Variants in DHRSX observed in about 807,000 individuals in gnomAD.
DHRSX encodes the protein dehydrogenase/reductase X-linked.
Under a neutral mutation model 34.0 loss-of-function variants are expected in DHRSX, and 31 were observed. The observed-to-expected ratio is 0.91, with a 90% CI of 0.69 to 1.23. DHRSX has a LOEUF of 1.23. Ranked by LOEUF, DHRSX falls within the 50% of genes most tolerant of loss-of-function variation. The pLI is 0.00. For synonymous variants in DHRSX, 201 were observed against 183.8 expected (o/e 1.09, Z -0.76); for missense variants, 414 against 428.1 (o/e 0.97, Z 0.29).
At chrX:2,460,852 G>A (rs1334576383) in intron 1 of DHRSX, among the ~76,000 whole-genome samples, 2 of 151,940 alleles carry the variant, frequency 1.3e-5, no homozygotes, top group African/African-American at 4.8e-5. Context: ...CAAAGTGCAG[G>A]TATTACAAGC....
At chrX:2,470,880 G>A (rs1280464964) in intron 1 of DHRSX, among the ~76,000 whole-genome samples, 1 of 142,092 alleles carries the variant, frequency 7.0e-6, no homozygotes, top group East Asian at 1.9e-4. Context: ...GGTGATATAG[G>A]TTAGAGTTAG....
rs376266463 is a variant in DHRSX at position 2,288,983 on chromosome X, GGTTAGCCTGTGTCAACTGGT to G, written c.388+2499_388+2518del. ...GTGGTTGAGTGATGGAGTATACGCT[GGTTAGCCTGTGTCAACTGGT>G]GTTAGCCTGTATCCACTGTCACAGA... On this transcript the variant is annotated intron_variant, in intron 4 of 6. Transcript: ENST00000334651. Among the ~76,000 whole-genome samples the G allele has an allele frequency of 8.0e-4, 122 of 152,308 alleles. 1 individual carries two copies. The highest frequency in any genetic ancestry group is 2.8e-3 in the African/African-American group (116 of 41,574).
chrX:2,239,723 C>A (rs1357363365), intron 6 of DHRSX, among the ~76,000 whole-genome samples: 1 of 151,776 alleles, frequency 6.6e-6, no homozygotes, highest in Admixed American at 6.6e-5. Context: ...GAGCTGAGAT[C>A]GCGCCAACGC....
At chrX:2,298,146 C>A (rs1225961454) in intron 3 of DHRSX, among the ~76,000 whole-genome samples, 2 of 151,996 alleles carry the variant, frequency 1.3e-5, no homozygotes, top group Non-Finnish European at 2.9e-5. Context: ...TGGAGTGATA[C>A]AGCCACAAGC....
intron 3 of DHRSX, among the ~76,000 whole-genome samples, chrX:2,294,132 AAG>A (rs1020378340): frequency 6.6e-5 from 10 of 152,150 alleles, no homozygotes; most frequent in Non-Finnish European, 1.3e-4. Flanking sequence ...GGAAAAGGGG[AAG>A]AGAGAAAAAA....
At chrX:2,240,062 G>A (rs1008305642) in intron 6 of DHRSX, among the ~76,000 whole-genome samples, 1 of 152,024 alleles carries the variant, frequency 6.6e-6, no homozygotes, top group Non-Finnish European at 1.5e-5. Flanking sequence ...GAAGGCCGAG[G>A]TGGGCGGATC....
intron 5 of DHRSX, among the ~76,000 whole-genome samples, chrX:2,263,053 C>T (rs755620455): frequency 1.1e-3 from 160 of 152,360 alleles, no homozygotes; most frequent in African/African-American, 3.7e-3. Flanking sequence ...GGGCGCCCAC[C>T]CTGCTGTACA....
chrX:2,380,632 G>T (rs2124610044), intron 3 of DHRSX, among the ~76,000 whole-genome samples: 1 of 152,190 alleles, frequency 6.6e-6, no homozygotes, highest in Admixed American at 6.6e-5. Context: ...CATGGTGGCG[G>T]ATTTCCCCCT....
chrX:2,454,578 G>T lies in DHRSX; in HGVS notation c.110-29274C>A, dbSNP rs999766625. 9.3e-5 allele frequency among the ~76,000 whole-genome samples: 14 copies of T among 149,836 alleles called. No homozygotes were observed. In the East Asian group the frequency reaches 2.7e-3, roughly 29 times the overall value. On this transcript the variant is annotated intron_variant, in intron 1 of 6. Transcript: ENST00000334651. ...TTGAGATTTCTACACTGTGAAAAAA[G>T]ATCTCCAATAGTGTGCATCAGGCAC...
intron 2 of DHRSX, among the ~76,000 whole-genome samples, chrX:2,423,127 C>T (rs761321588): frequency 1.3e-5 from 2 of 151,152 alleles, no homozygotes; most frequent in South Asian, 4.2e-4. Flanking sequence ...TTTAAATGAG[C>T]CAGGGCCAGG....
At chrX:2,486,849 A>G (rs979428397) in intron 1 of DHRSX, 7 of 152,238 alleles carry the variant, frequency 4.6e-5, no homozygotes, top group African/African-American at 1.7e-4. Context: ...CCGGCTCAGG[A>G]CGTAAGGATA....
chrX:2,379,474 T>C (rs1453761142), intron 3 of DHRSX, among the ~76,000 whole-genome samples: 2 of 152,016 alleles, frequency 1.3e-5, no homozygotes, highest in Non-Finnish European at 1.5e-5. Context: ...CACTTGACAA[T>C]CATTTTAAAC....
chrX:2,282,655 A>T lies in DHRSX; in HGVS notation c.388+8847T>A, dbSNP rs1269792171. Among the ~76,000 whole-genome samples, 505 of 128,552 alleles carry T rather than the reference A, an allele frequency of 3.9e-3. 1 individual carries two copies. The highest frequency in any genetic ancestry group is 6.2e-3 in the Non-Finnish European group (375 of 60,460). 84.3% of individuals were successfully genotyped at this position (128,552 alleles called of 152,430 possible). ...AAGGGAAAGGGAGGGAGAGAGGGAG[A>T]GAGAGAATGGGAGAAAAGGAGAGAG... On this transcript the variant is annotated intron_variant, in intron 4 of 6. Coordinates refer to ENST00000334651, the MANE Select transcript of DHRSX (RefSeq NM_145177.3).
intron 4 of DHRSX, among the ~76,000 whole-genome samples, chrX:2,287,795 C>T (rs1217647297): frequency 2.0e-5 from 3 of 152,174 alleles, no homozygotes; most frequent in Non-Finnish European, 4.4e-5. Context: ...CAAAGATGTC[C>T]ACATCCTAAT....
intron 5 of DHRSX, among the ~76,000 whole-genome samples, chrX:2,255,722 C>G (rs1262410285): frequency 6.6e-6 from 1 of 151,678 alleles, no homozygotes. Context: ...ACCAGCCTGA[C>G]CAACATGGTG....
At chrX:2,396,706 C>T (rs1442432295) in intron 3 of DHRSX, among the ~76,000 whole-genome samples, 1 of 151,636 alleles carries the variant, frequency 6.6e-6, no homozygotes, top group Admixed American at 6.6e-5. Flanking sequence ...CCTGGTATCC[C>T]TAAGTTGATG....
At chrX:2,490,095 C>G in intron 1 of DHRSX, 1 of 1,613,796 alleles carries the variant, frequency 6.2e-7, no homozygotes, top group Non-Finnish European at 8.5e-7. Context: ...GTGACGTAGG[C>G]GCGGTTCTGA....
intron 1 of DHRSX, among the ~76,000 whole-genome samples, chrX:2,469,217 G>A (rs1195767754): frequency 6.0e-5 from 9 of 148,946 alleles, no homozygotes; most frequent in African/African-American, 2.2e-4. Flanking sequence ...TCGTTCCCTA[G>A]GCATGTGGCC....
chrX:2,256,835 T>C (rs1298621453), intron 5 of DHRSX, among the ~76,000 whole-genome samples: 1 of 136,130 alleles, frequency 7.3e-6, no homozygotes, highest in East Asian at 2.0e-4. Flanking sequence ...GGTTCTCATA[T>C]TTTAGCATGC....
Sources: gnomAD v4.1 joint callset for allele counts (sites outside exome capture counted in the v4.1 genomes callset) on GRCh38, gnomAD v4.1.1 for gene constraint, MANE v1.5 for transcripts, NCBI Gene and HGNC (gene_info 2026-07-23, HGNC 2026-07-21) for gene names.